Variants in RHPN2 observed in about 807,000 individuals in gnomAD.
The protein encoded by RHPN2 is rhophilin Rho GTPase binding protein 2.
RHPN2 carries 40 observed loss-of-function variants against 79.0 expected under a neutral mutation model. The ratio of observed to expected loss-of-function variants is 0.51; its 90% CI spans 0.39 to 0.66. The LOEUF (loss-of-function observed/expected upper bound fraction) is 0.66, where lower values mean the gene tolerates loss of function less well. RHPN2 is among the 30% of genes least tolerant of loss of function. The probability of loss-of-function intolerance (pLI) is 0.00; values close to 1 mark genes in which losing one functional copy is unlikely to be tolerated. For synonymous variants in RHPN2, 285 were observed against 363.5 expected, an observed-to-expected ratio of 0.78 and a Z score of 2.46; for missense variants, 686 against 883.5, an observed-to-expected ratio of 0.78 and a Z score of 2.83.
chr19:33,018,738 C>CCA (rs1971898039), intron 4 of RHPN2, among the ~76,000 whole-genome samples: 1 of 152,132 alleles, frequency 6.6e-6, no homozygotes. Flanking sequence ...AAAGTATTAA[C>CCA]CAATTGCTTT....
Position 33,012,704 on chromosome 19 carries a change from G to A in RHPN2, c.411C>T (p.Tyr137=). Residue 137 remains tyrosine, a synonymous_variant, in exon 5 of 15, where the codon TAC becomes TAT. Coordinates refer to ENST00000254260, the MANE Select transcript of RHPN2 (RefSeq NM_033103.5). ...CTTCATATAAATAGCCATCTTCACT[G>A]TAATGTTCCAGGATAAAATCCTTAA... ...VVLKDFILEH[Y]SEDGYLYEDE... is the part of the protein sequence containing the mutation. 1 of 1,600,008 alleles carries A rather than the reference G, an allele frequency of 6.2e-7. No homozygotes were observed. Among genetic ancestry groups the A allele is most frequent in the Non-Finnish European group, 8.6e-7 (1 of 1,167,192 alleles).
rs185646076 is a variant in RHPN2, at chr19:33,000,347, A to T, written c.1106-642T>A. 5.7e-4 allele frequency among the ~76,000 whole-genome samples: 87 copies of T among 151,404 alleles called. 1 individual carries two copies. The highest frequency in any genetic ancestry group is 5.7e-3 in the East Asian group (29 of 5,120). On this transcript the variant is annotated intron_variant, in intron 9 of 14. Coordinates refer to ENST00000254260, the MANE Select transcript of RHPN2 (RefSeq NM_033103.5). Reference sequence around the variant, plus strand: ...GCGATTCTCCTGCCTCAGCCTCCCGAGTAGCTGGGATTACAGGCACATGCC... The same window carrying T: ...GCGATTCTCCTGCCTCAGCCTCCCGTGTAGCTGGGATTACAGGCACATGCC...
At chr19:32,990,123 A>G (rs1211469268) in intron 14 of RHPN2, among the ~76,000 whole-genome samples, 1 of 150,090 alleles carries the variant, frequency 6.7e-6, no homozygotes, top group Non-Finnish European at 1.5e-5. Flanking sequence ...AATAAAATTA[A>G]AAAAGAAAAT....
chr19:33,053,710 T>C (rs758692872), intron 1 of RHPN2, among the ~76,000 whole-genome samples: 12 of 151,950 alleles, frequency 7.9e-5, no homozygotes, highest in Non-Finnish European at 8.8e-5. Context: ...CGTGAGCCAC[T>C]GTACCTGGAC....
chr19:33,046,626 G>A (rs1266868788), intron 1 of RHPN2, among the ~76,000 whole-genome samples: 1 of 152,100 alleles, frequency 6.6e-6, no homozygotes, highest in Admixed American at 6.6e-5. Flanking sequence ...TCTTCAAAGT[G>A]GTTATACAAT....
chr19:33,040,332 G>C (rs917334769), intron 2 of RHPN2, among the ~76,000 whole-genome samples: 1 of 147,408 alleles, frequency 6.8e-6, no homozygotes, highest in Admixed American at 6.9e-5. Context: ...TGCCTCCCAG[G>C]TTCACGCCAT....
intron 12 of RHPN2, among the ~76,000 whole-genome samples, chr19:32,992,675 G>A (rs1971670251): frequency 6.6e-6 from 1 of 152,000 alleles, no homozygotes; most frequent in Admixed American, 6.6e-5. Flanking sequence ...GCCAGGCATG[G>A]TGGTGCACGC....
intron 14 of RHPN2, among the ~76,000 whole-genome samples, chr19:32,981,742 T>C (rs902641376): frequency 7.4e-5 from 11 of 149,616 alleles, no homozygotes; most frequent in African/African-American, 2.2e-4. Context: ...AGTCTCGCTC[T>C]GTCGCCCAGG....
At chr19:33,037,584 G>C (rs766636265) in intron 2 of RHPN2, among the ~76,000 whole-genome samples, 18 of 152,148 alleles carry the variant, frequency 1.2e-4, no homozygotes, top group Non-Finnish European at 2.5e-4. Context: ...TGAAGCCAGC[G>C]AGACCACAAA....
At chr19:32,990,137 T>TAAAAGAAAG (rs370372368) in intron 14 of RHPN2, among the ~76,000 whole-genome samples, 7 of 17,872 alleles carry the variant, frequency 3.9e-4, no homozygotes, top group African/African-American at 3.6e-3. Flanking sequence ...AGAAAATGAA[T>TAAAAGAAAG]AAAGAAAGAA....
chr19:33,009,315 G>T (rs536601881), intron 6 of RHPN2, among the ~76,000 whole-genome samples: 1 of 152,262 alleles, frequency 6.6e-6, no homozygotes, highest in African/African-American at 2.4e-5. Context: ...AATGGGCTGG[G>T]AGCGGTGGCT....
chr19:33,002,668 A>G, intron 8 of RHPN2, 145 bp downstream of exon 8: 1 of 904,802 alleles, frequency 1.1e-6, no homozygotes, highest in South Asian at 1.4e-5. Flanking sequence ...CTTGCCAAGA[A>G]AACTCAAGCC....
At chr19:33,063,766 A>T (rs1972301509) in intron 1 of RHPN2, among the ~76,000 whole-genome samples, 1 of 59,338 alleles carries the variant, frequency 1.7e-5, no homozygotes, top group Non-Finnish European at 2.6e-5. Context: ...TGGGCCCAAG[A>T]GCTCCTGGAC....
rs113376499 is a variant in RHPN2, at chr19:33,030,837, C to T, written c.186-4205G>A. Among the ~76,000 whole-genome samples the T allele has an allele frequency of 1.1e-4, 16 of 152,294 alleles. 1 individual carries two copies. In the East Asian group the frequency reaches 2.7e-3, roughly 26 times the overall value. On this transcript the variant is annotated intron_variant, in intron 2 of 14. Coordinates refer to ENST00000254260, the MANE Select transcript of RHPN2 (RefSeq NM_033103.5). ...ATTCGATTCTGACCCCAGCTCCCGG[C>T]GTAAGCACATACCCCACAGAGTAGG...
At chr19:33,025,981 GTT>G (rs71340523) in intron 3 of RHPN2, among the ~76,000 whole-genome samples, 4 of 129,094 alleles carry the variant, frequency 3.1e-5, no homozygotes, top group Admixed American at 1.6e-4. Flanking sequence ...GTGTTCATTT[GTT>G]TTTTTTTTTT....
chr19:32,997,679 C>T lies in RHPN2; in HGVS notation c.1226-1459G>A, dbSNP rs866075966. 5.9e-5 allele frequency among the ~76,000 whole-genome samples: 9 copies of T among 151,308 alleles called. No individual in the cohort carries two copies. The South Asian group carries it at 6.3e-4, about 11-fold the overall frequency. Reference sequence around the variant, plus strand: ...TAAGTTTTTGTATTTTTGGTACAGACGGGGTTTCTCCATGTTGCCCAGGCT... The same window carrying T: ...TAAGTTTTTGTATTTTTGGTACAGATGGGGTTTCTCCATGTTGCCCAGGCT... On this transcript the variant is annotated intron_variant, in intron 10 of 14. Coordinates refer to ENST00000254260, the MANE Select transcript of RHPN2 (RefSeq NM_033103.5).
chr19:33,025,421 G>T (rs986735052), intron 3 of RHPN2, among the ~76,000 whole-genome samples: 2 of 151,750 alleles, frequency 1.3e-5, no homozygotes, highest in African/African-American at 4.8e-5. Context: ...GGTGGAGATT[G>T]CAGTGAGCTG....
intron 2 of RHPN2, among the ~76,000 whole-genome samples, chr19:33,042,103 C>T (rs1470154822): frequency 1.3e-5 from 2 of 151,872 alleles, no homozygotes; most frequent in East Asian, 1.9e-4. Flanking sequence ...GCAGGAGAAC[C>T]ACTTGAACAT....
chr19:33,043,235 C>G (rs982197482), intron 2 of RHPN2, among the ~76,000 whole-genome samples: 1 of 151,630 alleles, frequency 6.6e-6, no homozygotes, highest in African/African-American at 2.4e-5. Context: ...AAGAGCGAAA[C>G]TCCATCTGAA....
Sources: gnomAD v4.1 joint callset for allele counts (sites outside exome capture counted in the v4.1 genomes callset) on GRCh38, gnomAD v4.1.1 for gene constraint, MANE v1.5 for transcripts, NCBI Gene and HGNC (gene_info 2026-07-23, HGNC 2026-07-21) for gene names.